KLHL2: variants seen among roughly 807,000 people sequenced by gnomAD.
KLHL2 encodes kelch-like protein 2.
A neutral mutation model predicts 75.8 loss-of-function variants in KLHL2; 15 were observed. The ratio of observed to expected loss-of-function variants is 0.20; its 90% CI spans 0.13 to 0.30. The LOEUF (loss-of-function observed/expected upper bound fraction) is 0.30. Ranked by LOEUF, KLHL2 falls within the 10% of genes least tolerant of loss-of-function variation. The pLI, the probability that KLHL2 is intolerant of heterozygous loss-of-function variation, is 1.00. For synonymous variants in KLHL2, 214 were observed against 251.9 expected (o/e 0.85, Z 1.42); for missense variants, 381 against 741.0 (o/e 0.51, Z 5.64).
intron 5 of KLHL2, among the ~76,000 whole-genome samples, chr4:165,272,824 C>T (rs1742800930): frequency 6.6e-6 from 1 of 152,068 alleles, no homozygotes; most frequent in Admixed American, 6.5e-5. Context: ...AATTAGAACA[C>T]TTCTGTTTCT....
intron 5 of KLHL2, among the ~76,000 whole-genome samples, chr4:165,263,690 G>A (rs959867271): frequency 2.0e-5 from 3 of 150,118 alleles, no homozygotes; most frequent in African/African-American, 2.5e-5. Context: ...TGCAACCTCC[G>A]CCTCCAGGGT....
intron 4 of KLHL2, among the ~76,000 whole-genome samples, chr4:165,242,365 A>G (rs1158382946): frequency 2.0e-5 from 3 of 152,194 alleles, no homozygotes; most frequent in African/African-American, 7.2e-5. Context: ...ACCCTTTTCT[A>G]AGGAAAGGGC....
At chr4:165,245,472 T>C (rs974106070) in intron 4 of KLHL2, among the ~76,000 whole-genome samples, 13 of 152,130 alleles carry the variant, frequency 8.5e-5, no homozygotes, top group Non-Finnish European at 7.4e-5. Flanking sequence ...GCTGGGCAAT[T>C]GTAATGACCA....
chr4:165,259,838 T>A (rs1741500005), intron 4 of KLHL2, among the ~76,000 whole-genome samples: 1 of 152,210 alleles, frequency 6.6e-6, no homozygotes. Context: ...TAGCTTTCCA[T>A]GACTCGCTGT....
chr4:165,270,408 T>C (rs1742596045), intron 5 of KLHL2, among the ~76,000 whole-genome samples: 1 of 152,152 alleles, frequency 6.6e-6, no homozygotes, highest in African/African-American at 2.4e-5. Context: ...GATGCTCTGG[T>C]TTTTGGAATT....
At chr4:165,286,016 A>G (rs969679646) in intron 5 of KLHL2, among the ~76,000 whole-genome samples, 2 of 152,214 alleles carry the variant, frequency 1.3e-5, no homozygotes, top group Non-Finnish European at 2.9e-5. Context: ...GATGTTTAAC[A>G]GTAGCCAAAG....
chr4:165,286,448 G>C (rs1744100006), intron 5 of KLHL2, among the ~76,000 whole-genome samples: 1 of 152,122 alleles, frequency 6.6e-6, no homozygotes, highest in Admixed American at 6.5e-5. Context: ...AGAACAAGTG[G>C]AGAATCAAAA....
chr4:165,286,326 A>G (rs1467855491), intron 5 of KLHL2, among the ~76,000 whole-genome samples: 2 of 152,218 alleles, frequency 1.3e-5, no homozygotes. Context: ...AGACTAACAG[A>G]CAGCTAGAAA....
intron 5 of KLHL2, among the ~76,000 whole-genome samples, chr4:165,289,885 C>T (rs535783359): frequency 6.6e-6 from 1 of 152,084 alleles, no homozygotes; most frequent in South Asian, 2.1e-4. Context: ...AAGCATAAGG[C>T]GGCCAGCAAT....
chr4:165,227,577 C>A (rs1182527534), intron 2 of KLHL2, among the ~76,000 whole-genome samples: 3 of 152,182 alleles, frequency 2.0e-5, no homozygotes, highest in African/African-American at 7.2e-5. Context: ...TGCACATAGA[C>A]ATAAATTCAG....
At chr4:165,270,612 C>T (rs1407625735) in intron 5 of KLHL2, among the ~76,000 whole-genome samples, 1 of 152,144 alleles carries the variant, frequency 6.6e-6, no homozygotes, top group Non-Finnish European at 1.5e-5. Context: ...GCTGGAGGTC[C>T]ACTTCAGACC....
chr4:165,225,719 T>G (rs1280044810), intron 2 of KLHL2, among the ~76,000 whole-genome samples: 1 of 152,246 alleles, frequency 6.6e-6, no homozygotes, highest in Admixed American at 6.5e-5. Context: ...ACACTCATTT[T>G]ATACTCAGTG....
chr4:165,236,881 T>C (rs1394461045), intron 3 of KLHL2, among the ~76,000 whole-genome samples: 6 of 151,892 alleles, frequency 4.0e-5, no homozygotes, highest in African/African-American at 1.5e-4. Flanking sequence ...AAATGCATCT[T>C]ATAGCAATAC....
intron 8 of KLHL2, among the ~76,000 whole-genome samples, chr4:165,305,071 T>C (rs1048809010): frequency 2.6e-5 from 4 of 152,196 alleles, no homozygotes; most frequent in Admixed American, 1.3e-4. Context: ...AGGTCTCTAC[T>C]GGAGATTCGG....
At chr4:165,281,534 C>G (rs1229002579) in intron 5 of KLHL2, among the ~76,000 whole-genome samples, 1 of 152,084 alleles carries the variant, frequency 6.6e-6, no homozygotes, top group Non-Finnish European at 1.5e-5. Flanking sequence ...CCAGGATGGT[C>G]TCGATCTCCT....
At chr4:165,268,612 G>T (rs998692649) in intron 5 of KLHL2, among the ~76,000 whole-genome samples, 5 of 152,212 alleles carry the variant, frequency 3.3e-5, no homozygotes, top group African/African-American at 1.2e-4. Flanking sequence ...TTTCCATGTA[G>T]CTGTGTGGTT....
At chr4:165,252,661 G>GA (rs1560771933) in intron 4 of KLHL2, 1 of 152,022 alleles carries the variant, frequency 6.6e-6, no homozygotes, top group Non-Finnish European at 1.5e-5. Context: ...TATTTCTTGC[G>GA]AAAATAGAAT....
Position 165,207,994 on chromosome 4 carries a change from C to T in KLHL2, c.26+92C>T. 1 of 923,980 alleles carries T rather than the reference C, an allele frequency of 1.1e-6. No individual in the cohort carries two copies. Among genetic ancestry groups the T allele is most frequent in the Non-Finnish European group, 1.4e-6 (1 of 718,770 alleles). The allele number at this position is 923,980 out of a possible 1,614,324, so 57.2% of individuals were successfully genotyped here. On this transcript the variant is annotated intron_variant, in intron 1 of 14. Coordinates refer to ENST00000226725, the MANE Select transcript of KLHL2 (RefSeq NM_007246.4). The surrounding 1 kb of genome is among the most constrained non-coding windows in gnomAD (Gnocchi z 4.2). ...CCGCGGGCGCAGCTCTGGGGACAGC[C>T]GCCGGGGCCGGCGGGAGGTGGGAGA...
At chr4:165,284,908 C>G (rs1280621794) in intron 5 of KLHL2, among the ~76,000 whole-genome samples, 1 of 152,196 alleles carries the variant, frequency 6.6e-6, no homozygotes. Context: ...GCAAACAGAG[C>G]TTGTGCAAGG....
Sources: gnomAD v4.1 joint callset for allele counts (sites outside exome capture counted in the v4.1 genomes callset) on GRCh38, gnomAD v4.1.1 for gene constraint, Gnocchi (gnomAD v3.1) non-coding constraint, MANE v1.5 for transcripts, NCBI Gene and HGNC (gene_info 2026-07-23, HGNC 2026-07-21) for gene names.